Variants in PRKG1 observed in about 807,000 individuals in gnomAD.
PRKG1 encodes the protein cGMP-dependent protein kinase 1.
In PRKG1, 35 loss-of-function variants were observed where a neutral mutation model predicts 88.1. The ratio of observed to expected loss-of-function variants is 0.40; its 90% CI spans 0.30 to 0.53. PRKG1 has a LOEUF of 0.53. Among genes scored for constraint, PRKG1 ranks in the 20% least tolerant of loss-of-function variants. The pLI is 0.59. For synonymous variants in PRKG1, 303 were observed against 292.5 expected (o/e 1.04, Z -0.37); for missense variants, 540 against 839.8 (o/e 0.64, Z 4.41).
chr10:51,512,098 G>A (rs1167964910), intron 3 of PRKG1, among the ~76,000 whole-genome samples: 2 of 151,618 alleles, frequency 1.3e-5, no homozygotes, highest in East Asian at 3.9e-4. Context: ...AGTCAGAATA[G>A]GAGTTATTTT....
intron 5 of PRKG1, among the ~76,000 whole-genome samples, chr10:51,947,545 G>A (rs960856509): frequency 7.9e-5 from 12 of 152,108 alleles, no homozygotes; most frequent in East Asian, 3.9e-4. Flanking sequence ...GAAATCACCC[G>A]TCTTCTGCGT....
At chr10:51,901,720 A>G (rs1408597329) in intron 4 of PRKG1, among the ~76,000 whole-genome samples, 1 of 152,184 alleles carries the variant, frequency 6.6e-6, no homozygotes, top group African/African-American at 2.4e-5. Context: ...TTGTCTCAAA[A>G]TGGTGTCACA....
At chr10:52,052,005 A>G (rs879275690) in intron 5 of PRKG1, among the ~76,000 whole-genome samples, 6 of 152,134 alleles carry the variant, frequency 3.9e-5, no homozygotes, top group Non-Finnish European at 8.8e-5. Context: ...CAAAGCTACA[A>G]CTGTAACTCT....
chr10:52,060,617 C>T (rs971998049), intron 6 of PRKG1, among the ~76,000 whole-genome samples: 7 of 151,824 alleles, frequency 4.6e-5, no homozygotes, highest in African/African-American at 1.4e-4. Context: ...CATCTAATAC[C>T]TACCTTTCTG....
At chr10:52,284,832 G>T (rs552596489) in intron 14 of PRKG1, among the ~76,000 whole-genome samples, 2 of 152,190 alleles carry the variant, frequency 1.3e-5, no homozygotes, top group African/African-American at 4.8e-5. Context: ...TATAATGTTG[G>T]TCAGTGAAGC....
intron 2 of PRKG1, among the ~76,000 whole-genome samples, chr10:51,206,435 T>A (rs2132064690): frequency 6.7e-6 from 1 of 149,766 alleles, no homozygotes; most frequent in Non-Finnish European, 1.5e-5. Context: ...GAGGATGTAG[T>A]GAGCCGAGAT....
intron 1 of PRKG1, 41 bp from the exon 2 acceptor site, chr10:51,153,123 C>A (rs1011837616): frequency 1.3e-6 from 2 of 1,582,548 alleles, no homozygotes; most frequent in Non-Finnish European, 1.7e-6. Flanking sequence ...TATGAAAGAG[C>A]TTGTCAGATG....
intron 4 of PRKG1, among the ~76,000 whole-genome samples, chr10:51,812,269 T>C (rs1242429910): frequency 6.6e-6 from 1 of 152,146 alleles, no homozygotes; most frequent in Non-Finnish European, 1.5e-5. Flanking sequence ...GTGGAAGTGT[T>C]TTTTCTGCAA....
chr10:51,875,408 C>T (rs1841270827), intron 4 of PRKG1, among the ~76,000 whole-genome samples: 1 of 150,752 alleles, frequency 6.6e-6, no homozygotes, highest in South Asian at 2.1e-4. Context: ...CCCCAGATTC[C>T]CTTCATATTA....
intron 2 of PRKG1, among the ~76,000 whole-genome samples, chr10:51,218,510 TATATATATATATATATATATAA>T (rs1437907513): frequency 7.5e-5 from 9 of 119,336 alleles, no homozygotes; most frequent in African/African-American, 2.1e-4. Flanking sequence ...TATATATATA[TATATATATATATATATATATAA>T]AATGTGTGTA....
intron 7 of PRKG1, among the ~76,000 whole-genome samples, chr10:52,067,223 T>A (rs1846375996): frequency 6.6e-6 from 1 of 152,218 alleles, no homozygotes; most frequent in African/African-American, 2.4e-5. Flanking sequence ...GAATAAAAAT[T>A]GTAGAGCCAG....
chr10:51,172,938 A>T (rs577548592), intron 2 of PRKG1, among the ~76,000 whole-genome samples: 77 of 152,142 alleles, frequency 5.1e-4, no homozygotes, highest in African/African-American at 1.7e-3. Flanking sequence ...CCCGATGCCT[A>T]GCCCTGAGCT....
At chr10:51,141,716 C>A (rs1049941427) in intron 1 of PRKG1, among the ~76,000 whole-genome samples, 2 of 152,032 alleles carry the variant, frequency 1.3e-5, no homozygotes, top group Non-Finnish European at 2.9e-5. Flanking sequence ...TCTTCCTACC[C>A]CCTCTGTCTC....
intron 2 of PRKG1, among the ~76,000 whole-genome samples, chr10:51,346,539 A>T (rs1278578374): frequency 6.6e-6 from 1 of 152,200 alleles, no homozygotes; most frequent in African/African-American, 2.4e-5. Flanking sequence ...CAACTGTTTT[A>T]TGTTACTTTT....
chr10:52,224,397 T>TG (rs1045069806), intron 9 of PRKG1, among the ~76,000 whole-genome samples: 6 of 152,086 alleles, frequency 3.9e-5, no homozygotes, highest in Admixed American at 3.3e-4. Context: ...TGCAGCCCTC[T>TG]GGTTTTTGTT....
At chr10:51,413,925 T>G (rs1406236658) in intron 2 of PRKG1, among the ~76,000 whole-genome samples, 2 of 152,202 alleles carry the variant, frequency 1.3e-5, no homozygotes, top group Non-Finnish European at 2.9e-5. Flanking sequence ...ACAAAGGGAC[T>G]TTCAGCAGAA....
At chr10:51,019,005 T>C (rs1182126946) in intron 1 of PRKG1, among the ~76,000 whole-genome samples, 1 of 152,196 alleles carries the variant, frequency 6.6e-6, no homozygotes, top group Non-Finnish European at 1.5e-5. Flanking sequence ...ACAAAAGGGA[T>C]CTTTGCTGGT....
At chr10:51,564,635 G>A (rs1271946028) in intron 3 of PRKG1, among the ~76,000 whole-genome samples, 1 of 152,090 alleles carries the variant, frequency 6.6e-6, no homozygotes, top group Non-Finnish European at 1.5e-5. Context: ...AAGATATTAA[G>A]TGTTTTTCCG....
At chr10:52,022,332 C>T (rs1016797404) in intron 5 of PRKG1, among the ~76,000 whole-genome samples, 5 of 152,154 alleles carry the variant, frequency 3.3e-5, no homozygotes, top group African/African-American at 1.2e-4. Context: ...GTCACAGAGC[C>T]TCTGTATTGC....
Sources: allele counts gnomAD v4.1 joint callset (sites outside exome capture counted in the v4.1 genomes callset), GRCh38; gene constraint gnomAD v4.1.1; transcripts MANE v1.5; gene names NCBI Gene and HGNC (gene_info 2026-07-23, HGNC 2026-07-21).